The following EPHA8 variants were observed in gnomAD, a reference collection of about 807,000 sequenced individuals.
The protein encoded by EPHA8 is ephrin type-A receptor 8.
EPHA8 carries 58 observed loss-of-function variants against 103.6 expected under a neutral mutation model. The observed-to-expected ratio is 0.56, with a 90% CI of 0.45 to 0.70. EPHA8 has a LOEUF of 0.70. Ranked by LOEUF, EPHA8 falls within the 30% of genes least tolerant of loss-of-function variation. The pLI is 0.00. For missense variants in EPHA8, 1,304 were observed against 1,395.2 expected, an observed-to-expected ratio of 0.93 and a Z score of 1.04; for synonymous variants, 559 against 572.5, an observed-to-expected ratio of 0.98 and a Z score of 0.34.
intron 5 of EPHA8, among the ~76,000 whole-genome samples, chr1:22,590,197 C>T (rs1228129077): frequency 6.6e-6 from 1 of 152,128 alleles, no homozygotes; most frequent in Non-Finnish European, 1.5e-5. Context: ...AGCTATGTGC[C>T]CCGTGGTAGA....
At chr1:22,565,433 T>C (rs1640330070) in intron 1 of EPHA8, among the ~76,000 whole-genome samples, 1 of 151,816 alleles carries the variant, frequency 6.6e-6, no homozygotes, top group Non-Finnish European at 1.5e-5. Flanking sequence ...GGGGGCAAGA[T>C]TGGAATCTAA....
intron 5 of EPHA8, among the ~76,000 whole-genome samples, chr1:22,592,126 C>T (rs1379157065): frequency 6.6e-6 from 1 of 152,110 alleles, no homozygotes; most frequent in East Asian, 1.9e-4. Context: ...TCAAAGACCA[C>T]CTGCCCCTCC....
rs769570525 is a variant in EPHA8, at chr1:22,598,151, G to A, written c.2117G>A (p.Gly706Asp). 5 of 1,613,258 alleles carry A rather than the reference G, an allele frequency of 3.1e-6. No individual in the cohort carries two copies. The highest frequency in any genetic ancestry group is 4.2e-6 in the Non-Finnish European group (5 of 1,179,946). Residue 706 changes from glycine to aspartate, a missense_variant and splice_region_variant, in exon 12 of 17, where the codon GGC (glycine) becomes GAC (aspartate). By Grantham distance (94) the Gly-to-Asp change is moderately conservative. Coordinates refer to ENST00000166244, the MANE Select transcript of EPHA8 (RefSeq NM_020526.5). The surrounding 1 kb of genome is among the most constrained non-coding windows in gnomAD (Gnocchi z 5.1). Reference protein sequence around the residue: ...IIRLEGVVTRGRLAMIVTEYM... With the variant: ...IIRLEGVVTRDRLAMIVTEYM... ...CACCCTCTCCCTACTGCCCGCCCAG[G>A]CCGCCTGGCAATGATTGTGACTGAG...
At position 22,563,910 on chromosome 1, in the gene EPHA8, A is replaced by G. The variant is rs1640275440; in HGVS notation, c.94+181A>G. Among the ~76,000 whole-genome samples the G allele has an allele frequency of 6.6e-6, 1 of 151,826 alleles. No homozygotes were observed. The highest frequency in any genetic ancestry group is 1.5e-5 in the Non-Finnish European group (1 of 67,910). ...GGGATTAAGGGACAGAGCGGTGGAG[A>G]TGGGAACCCGCGAGCTTGAGGAAGA... On this transcript the variant is annotated intron_variant, in intron 1 of 16. Coordinates refer to ENST00000166244, the MANE Select transcript of EPHA8 (RefSeq NM_020526.5). This position sits in a 1 kb window ranked among gnomAD's most constrained non-coding sequence, Gnocchi z 4.4.
rs193221502 is a variant in EPHA8 at position 22,567,763 on chromosome 1, C to T, written c.95-1526C>T. Among the ~76,000 whole-genome samples the T allele has an allele frequency of 8.3e-4, 127 of 152,312 alleles. No homozygotes were observed. The highest frequency in any genetic ancestry group is 2.8e-3 in the African/African-American group (116 of 41,572). On this transcript the variant is annotated intron_variant, in intron 1 of 16. Coordinates refer to ENST00000166244, the MANE Select transcript of EPHA8 (RefSeq NM_020526.5). This position sits in a 1 kb window ranked among gnomAD's most constrained non-coding sequence, Gnocchi z 4.2. ...GGCAGAAGGACACCCAGCCTCCCCA[C>T]GGGAAAGTTCCAGGAGAGCTCCACC... is the stretch of plus-strand genomic sequence containing the variant.
chr1:22,574,535 T>C (rs2124517442), intron 2 of EPHA8, among the ~76,000 whole-genome samples: 1 of 152,380 alleles, frequency 6.6e-6, no homozygotes, highest in East Asian at 1.9e-4. Context: ...TCTGACTATC[T>C]AGGTACTGCG....
At chr1:22,564,947 G>C (rs778720378) in intron 1 of EPHA8, among the ~76,000 whole-genome samples, 6 of 152,010 alleles carry the variant, frequency 3.9e-5, no homozygotes, top group Non-Finnish European at 8.8e-5. Flanking sequence ...ACAGCTCACC[G>C]AGGGCCCACC....
chr1:22,571,510 C>A (rs1324635651), intron 2 of EPHA8, among the ~76,000 whole-genome samples: 1 of 152,166 alleles, frequency 6.6e-6, no homozygotes, highest in Admixed American at 6.5e-5. Flanking sequence ...CTGCAGGCAG[C>A]GAGGCCTACT....
rs1435150708 is a variant in EPHA8, at chr1:22,593,550, C to G, written c.1467C>G (p.Thr489=). Reference sequence around the variant, plus strand: ...ACAAGGAGATGCAGAGCTACTCCACCCTCAAGGCCGTCACCACCAGAGCCA... The same window carrying G: ...ACAAGGAGATGCAGAGCTACTCCACGCTCAAGGCCGTCACCACCAGAGCCA... The part of the protein sequence containing the change: ...EKDKEMQSYS[T]LKAVTTRATV... The change falls in exon 7 of 17, where the codon ACC becomes ACG. Residue 489 remains threonine (T), a synonymous_variant. Coordinates refer to ENST00000166244, the MANE Select transcript of EPHA8 (RefSeq NM_020526.5). 6 of 1,612,404 alleles carry G rather than the reference C, an allele frequency of 3.7e-6. No homozygotes were observed. The highest frequency in any genetic ancestry group is 5.1e-6 in the Non-Finnish European group (6 of 1,179,794).
In EPHA8 at chr1:22,601,922, G is replaced by A. The variant is rs1006380148; in HGVS notation, c.*181G>A. ...TTATCAGGGGTCAGGCGCCTGGGAA[G>A]GGGCCTTTGGTGGCCACCCTGGTGA... On this transcript the variant is annotated 3_prime_UTR_variant, in exon 17 of 17. Coordinates refer to ENST00000166244, the MANE Select transcript of EPHA8 (RefSeq NM_020526.5). 6.0e-6 allele frequency: 4 copies of A among 670,336 alleles called. No homozygotes were observed. Among genetic ancestry groups the A allele is most frequent in the East Asian group, 5.6e-5 (2 of 35,640 alleles). 41.5% of individuals were successfully genotyped at this position (670,336 alleles called of 1,614,324 possible).
chr1:22,601,529 C>T (rs1641734426), intron 16 of EPHA8, 56 bp downstream of exon 16: 3 of 1,602,674 alleles, frequency 1.9e-6, no homozygotes, highest in Non-Finnish European at 2.6e-6. Flanking sequence ...GGGGGGACCC[C>T]TGCCGGGGAG....
chr1:22,597,201 G>C lies in EPHA8; in HGVS notation c.1766-111G>C. ...CGTGTTGTTTGCTACCACATCCAGA[G>C]ACTCCCAGAGACACCCCTCACCCCA... is the stretch of plus-strand genomic sequence containing the variant. On this transcript the variant is annotated intron_variant, in intron 9 of 16. Coordinates refer to ENST00000166244, the MANE Select transcript of EPHA8 (RefSeq NM_020526.5). The surrounding 1 kb of genome is among the most constrained non-coding windows in gnomAD (Gnocchi z 4.6). 2.4e-6 allele frequency: 2 copies of C among 848,828 alleles called. No individual in the cohort carries two copies. The highest frequency in any genetic ancestry group is 3.5e-6 in the Non-Finnish European group (2 of 567,974). The allele number at this position is 848,828 out of a possible 1,614,324, so 52.6% of individuals were successfully genotyped here.
intron 13 of EPHA8, among the ~76,000 whole-genome samples, chr1:22,600,144 G>GGGAGGGAGGGAA (rs970020584): frequency 8.2e-6 from 1 of 121,224 alleles, no homozygotes; most frequent in African/African-American, 3.3e-5. Context: ...GGAAGGAGGA[G>GGGAGGGAGGGAA]GGAGGGAGGG....
At chr1:22,600,587 T>C in intron 13 of EPHA8, 74 bp from the exon 14 acceptor site, 1 of 1,571,336 alleles carries the variant, frequency 6.4e-7, no homozygotes, top group South Asian at 1.2e-5. Context: ...AGTGTTTAGC[T>C]CTCTGACTCA....
chr1:22,595,276 C>T lies in EPHA8; in HGVS notation c.1650C>T (p.Leu550=), dbSNP rs1366563886. ...TRTIVWICLT[L]ITGLVVLLLL... is the part of the protein sequence containing the mutation. The stretch of plus-strand genomic sequence containing the variant: ...CCATTGTCTGGATCTGCCTGACGCT[C>T]ATCACGGGCCTGGTGGTGCTTCTGC... The change falls in exon 8 of 17, where the codon CTC becomes CTT. Residue 550 remains leucine (L), a synonymous_variant. Transcript: ENST00000166244. 3.7e-6 allele frequency: 6 copies of T among 1,613,800 alleles called. No homozygotes were observed. Among genetic ancestry groups the T allele is most frequent in the East Asian group, 2.2e-5 (1 of 44,886 alleles).
In EPHA8 at chr1:22,600,918, G is replaced by C. The variant is rs1441885608; in HGVS notation, c.2559G>C (p.Glu853Asp). 6.2e-7 allele frequency: 1 copy of C among 1,609,524 alleles called. No homozygotes were observed. The highest frequency in any genetic ancestry group is 2.2e-5 in the East Asian group (1 of 44,852). Reference protein sequence around the residue: ...TNRDVISSVEEGYRLPAPMGC... With the variant: ...TNRDVISSVEDGYRLPAPMGC... ...TGCAGGTCATCAGCTCTGTGGAGGA[G>C]GGGTACCGCCTGCCCGCACCCATGG... The change falls in exon 15 of 17, where the codon GAG becomes GAC. Residue 853 changes from glutamate (E) to aspartate (D), a missense_variant. By Grantham distance (45) the Glu-to-Asp change is conservative. Transcript: ENST00000166244.
intron 5 of EPHA8, among the ~76,000 whole-genome samples, chr1:22,592,673 G>A (rs61767311): frequency 0.029 from 4,389 of 152,272 alleles, 76 homozygotes; most frequent in South Asian, 0.051. Flanking sequence ...GTGAGCAGAG[G>A]GGAGGAGGAG....
chr1:22,600,842 G>T, intron 14 of EPHA8, 32 bp downstream of exon 14: 1 of 1,589,476 alleles, frequency 6.3e-7, no homozygotes, highest in Non-Finnish European at 8.6e-7. Flanking sequence ...GTCCGCGGGC[G>T]GTGGAGCCTC....
At chr1:22,586,983 G>A (rs1266340290) in intron 4 of EPHA8, among the ~76,000 whole-genome samples, 1 of 152,284 alleles carries the variant, frequency 6.6e-6, no homozygotes, top group Non-Finnish European at 1.5e-5. Context: ...TCGCCTGTGC[G>A]GAGAGGGTGA....
Sources: gnomAD v4.1 joint callset for allele counts (sites outside exome capture counted in the v4.1 genomes callset) on GRCh38, gnomAD v4.1.1 for gene constraint, Gnocchi (gnomAD v3.1) non-coding constraint, MANE v1.5 for transcripts, NCBI Gene and HGNC (gene_info 2026-07-23, HGNC 2026-07-21) for gene names.